PCSK5: variants seen among roughly 807,000 people sequenced by gnomAD.
PCSK5 encodes prohormone convertase 5.
PCSK5 carries 129 observed loss-of-function variants against 233.2 expected under a neutral mutation model. The observed-to-expected ratio is 0.55, with a 90% CI of 0.48 to 0.64. The LOEUF (loss-of-function observed/expected upper bound fraction) is 0.64, where lower values mean the gene tolerates loss of function less well. PCSK5 is among the 30% of genes least tolerant of loss of function. PCSK5 has a pLI of 0.00. For synonymous variants in PCSK5, 825 were observed against 879.2 expected (o/e 0.94, Z 1.09); for missense variants, 2,076 against 2,430.1 (o/e 0.85, Z 3.06).
chr9:76,315,984 G>A (rs553333164), intron 30 of PCSK5, among the ~76,000 whole-genome samples: 49 of 129,184 alleles, frequency 3.8e-4, no homozygotes, highest in African/African-American at 1.3e-3. Context: ...TTTCATTTCA[G>A]CATCTCATCC....
chr9:76,350,690 T>C, intron 35 of PCSK5, 138 bp from the exon 36 acceptor site: 1 of 605,316 alleles, frequency 1.7e-6, no homozygotes, highest in Non-Finnish European at 2.9e-6. Flanking sequence ...GGAGACTTTT[T>C]TCTTTTTCGT....
intron 12 of PCSK5, among the ~76,000 whole-genome samples, chr9:76,165,663 T>G (rs1823057104): frequency 6.6e-6 from 1 of 152,196 alleles, no homozygotes; most frequent in South Asian, 2.1e-4. Flanking sequence ...ATCGAGCACG[T>G]GATTATGAAG....
At chr9:76,303,068 C>T (rs1828666161) in intron 28 of PCSK5, among the ~76,000 whole-genome samples, 1 of 150,874 alleles carries the variant, frequency 6.6e-6, no homozygotes, top group Non-Finnish European at 1.5e-5. Flanking sequence ...AGATTAAGTC[C>T]CCAATCTTTT....
chr9:76,228,587 T>C (rs114458394), intron 21 of PCSK5, among the ~76,000 whole-genome samples: 1,837 of 152,362 alleles, frequency 0.012, 47 homozygotes, highest in African/African-American at 0.041. Flanking sequence ...TCTTTGCTAA[T>C]ACACTGGGAA....
intron 20 of PCSK5, among the ~76,000 whole-genome samples, chr9:76,198,050 G>C (rs1169163750): frequency 1.3e-5 from 2 of 152,216 alleles, no homozygotes; most frequent in South Asian, 2.1e-4. Context: ...ATCAGGTCCA[G>C]ATTCAGTTAT....
At chr9:76,218,775 G>A (rs1263550553) in intron 20 of PCSK5, among the ~76,000 whole-genome samples, 2 of 149,712 alleles carry the variant, frequency 1.3e-5, no homozygotes, top group Non-Finnish European at 3.0e-5. Context: ...TGTAACCCAG[G>A]ACGGGATGAC....
intron 2 of PCSK5, among the ~76,000 whole-genome samples, chr9:75,971,637 G>A (rs1229449931): frequency 1.3e-5 from 2 of 152,190 alleles, no homozygotes; most frequent in East Asian, 3.9e-4. Flanking sequence ...TAACTGGTGT[G>A]AAATGGTATC....
At chr9:76,222,332 A>T (rs11144801) in intron 20 of PCSK5, among the ~76,000 whole-genome samples, 42,048 of 151,304 alleles carry the variant, frequency 0.28, 6,830 homozygotes, top group East Asian at 0.66. Context: ...ATATTTTTTT[A>T]AAAAAATATT....
intron 29 of PCSK5, among the ~76,000 whole-genome samples, chr9:76,308,986 G>A (rs1259458154): frequency 6.6e-6 from 1 of 152,182 alleles, no homozygotes; most frequent in Non-Finnish European, 1.5e-5. Flanking sequence ...GAGAGGCTGA[G>A]GCGGGAGGAT....
At chr9:76,010,311 T>C (rs965952945) in intron 3 of PCSK5, among the ~76,000 whole-genome samples, 3 of 152,212 alleles carry the variant, frequency 2.0e-5, no homozygotes, top group Non-Finnish European at 4.4e-5. Context: ...TGGGGCTTTT[T>C]TTCCTTGCAG....
chr9:75,913,601 T>C (rs1477800897), intron 1 of PCSK5, among the ~76,000 whole-genome samples: 3 of 152,188 alleles, frequency 2.0e-5, no homozygotes, highest in Admixed American at 6.5e-5. Context: ...TTTTTAGATA[T>C]AGTTTTGTGC....
intron 7 of PCSK5, among the ~76,000 whole-genome samples, chr9:76,075,574 C>A (rs1830616764): frequency 6.6e-6 from 1 of 152,048 alleles, no homozygotes; most frequent in Non-Finnish European, 1.5e-5. Context: ...ATAGTATTAT[C>A]ATTTGTATTT....
chr9:76,055,589 A>G (rs1829792188), intron 5 of PCSK5, among the ~76,000 whole-genome samples: 1 of 152,118 alleles, frequency 6.6e-6, no homozygotes, highest in African/African-American at 2.4e-5. Context: ...ATACTATCAA[A>G]TATGCTGTCA....
chr9:76,322,853 C>T (rs1215911571), intron 31 of PCSK5, among the ~76,000 whole-genome samples, 199 bp from the exon 32 acceptor site: 1 of 152,336 alleles, frequency 6.6e-6, no homozygotes, highest in Non-Finnish European at 1.5e-5. Flanking sequence ...CCATCTAATA[C>T]GGTCACCATG....
At position 75,927,105 on chromosome 9, in the gene PCSK5, A is replaced by T. The variant is rs112722175; in HGVS notation, c.193-5274A>T. 1.6e-3 allele frequency among the ~76,000 whole-genome samples: 242 copies of T among 152,312 alleles called. 1 individual carries two copies. The highest frequency in any genetic ancestry group is 5.1e-3 in the African/African-American group (211 of 41,568). ...CAATATATGAGAATTCTCATGCCCC[A>T]CAATCTCATTAAAACTTGGTATTGC... is the stretch of plus-strand genomic sequence containing the variant. On this transcript the variant is annotated intron_variant, in intron 1 of 37. Coordinates refer to ENST00000674117, the MANE Select transcript of PCSK5 (RefSeq NM_001372043.1).
rs763087625 is a variant in PCSK5 at position 76,310,733 on chromosome 9, G to C, written c.3766G>C (p.Glu1256Gln). ...TWPSVRSGSC[E>Q]NCTEACAICS... is the part of the protein sequence containing the mutation. ...GCCTTCCGTAAGGAGTGGGAGCTGCGAGAACTGTACGGAGGCCTGTGCCAT... is the reference window on the plus strand; with the variant it reads ...GCCTTCCGTAAGGAGTGGGAGCTGCCAGAACTGTACGGAGGCCTGTGCCAT... Residue 1256 changes from glutamate (E) to glutamine (Q), a missense_variant, in exon 30 of 38, where the codon GAG (glutamate) becomes CAG (glutamine). By Grantham distance (29) the Glu-to-Gln change is conservative. Transcript: ENST00000674117. 6.2e-7 allele frequency: 1 copy of C among 1,612,242 alleles called. No homozygotes were observed. The highest frequency in any genetic ancestry group is 8.5e-7 in the Non-Finnish European group (1 of 1,179,602).
At chr9:75,963,729 A>G (rs1413828140) in intron 2 of PCSK5, among the ~76,000 whole-genome samples, 1 of 152,178 alleles carries the variant, frequency 6.6e-6, no homozygotes, top group Non-Finnish European at 1.5e-5. Context: ...AAATACAAAA[A>G]TTAGCCGGGC....
At chr9:76,118,755 T>C (rs1248727641) in intron 9 of PCSK5, among the ~76,000 whole-genome samples, 1 of 151,938 alleles carries the variant, frequency 6.6e-6, no homozygotes, top group East Asian at 1.9e-4. Context: ...AAAACATATA[T>C]ATAAATCATG....
intron 1 of PCSK5, among the ~76,000 whole-genome samples, chr9:75,899,216 G>A (rs1825924667): frequency 6.6e-6 from 1 of 152,004 alleles, no homozygotes; most frequent in African/African-American, 2.4e-5. Flanking sequence ...AATTAGGACA[G>A]TCTGCAGGAT....
Sources: allele counts gnomAD v4.1 joint callset (sites outside exome capture counted in the v4.1 genomes callset), GRCh38; gene constraint gnomAD v4.1.1; transcripts MANE v1.5; gene names NCBI Gene and HGNC (gene_info 2026-07-23, HGNC 2026-07-21).